LYSMD3: variants seen among roughly 807,000 people sequenced by gnomAD.
LYSMD3 encodes LysM domain containing 3.
LYSMD3 carries 13 observed loss-of-function variants against 26.1 expected under a neutral mutation model. The ratio of observed to expected loss-of-function variants is 0.50; its 90% CI spans 0.32 to 0.79. LYSMD3 has a LOEUF of 0.79. LYSMD3 is among the 30% of genes least tolerant of loss of function. LYSMD3 has a pLI of 0.03. For synonymous variants in LYSMD3, 109 were observed against 119.4 expected, an observed-to-expected ratio of 0.91 and a Z score of 0.57; for missense variants, 331 against 362.5, an observed-to-expected ratio of 0.91 and a Z score of 0.71.
Position 90,519,398 on chromosome 5 carries a change from G to C in LYSMD3, c.342C>G (p.Phe114Leu), listed in dbSNP as rs753965455. ...GACAAAGTGTTTCGGTCAAGGAACT[G>C]AACTTTTTTACTGGAATTTTGATAG... Reference protein sequence around the residue: ...LRSIKIPVKKFSSLTETLCPP... With the variant: ...LRSIKIPVKKLSSLTETLCPP... The change falls in exon 3 of 3, where the codon TTC becomes TTG. Residue 114 changes from phenylalanine to leucine, a missense_variant. Physicochemically the swap from Phe to Leu is conservative, Grantham distance 22. This residue lies in a region of LYSMD3 where 262 missense variants were observed against 267.3 expected (regional missense o/e 0.98). Transcript: ENST00000315948. 25 of 1,613,872 alleles carry C rather than the reference G, an allele frequency of 1.5e-5. No homozygotes were observed. Among genetic ancestry groups the C allele is most frequent in the Non-Finnish European group, 2.0e-5 (24 of 1,179,918 alleles).
Position 90,518,877 on chromosome 5 carries a change from T to A in LYSMD3, c.863A>T (p.Asp288Val). Reference sequence around the variant, plus strand: ...ATCTTGACTATACAGTTTATGATCATCTTGTTGGCTGAAATGTATTCCTTT... The same window carrying A: ...ATCTTGACTATACAGTTTATGATCAACTTGTTGGCTGAAATGTATTCCTTT... ...PTKGIHFSQQ[D>V]DHKLYSQDSQ... The change falls in exon 3 of 3, where the codon GAT becomes GTT. Residue 288 changes from aspartate (D) to valine (V), a missense_variant. Around this residue, in one of 3 missense-constraint regions of LYSMD3, gnomAD observed 61 missense variants for 66.8 expected, o/e 0.91. Transcript: ENST00000315948. 1 of 1,614,022 alleles carries A rather than the reference T, an allele frequency of 6.2e-7. No homozygotes were observed.
rs1367129624 is a variant in LYSMD3 at position 90,519,528 on chromosome 5, A to C, written c.256-44T>G. On this transcript the variant is annotated intron_variant, in intron 2 of 2. Coordinates refer to ENST00000315948, the MANE Select transcript of LYSMD3 (RefSeq NM_198273.2). ...AGCAACATACAACTGAATTCCAATCAAAATAAAGGCAGCAATAGTCATTCA... is the reference window on the plus strand; with the variant it reads ...AGCAACATACAACTGAATTCCAATCCAAATAAAGGCAGCAATAGTCATTCA... 4.6e-6 allele frequency: 7 copies of C among 1,527,868 alleles called. No individual in the cohort carries two copies. The East Asian group carries it at 1.6e-4, about 35-fold the overall frequency. 94.6% of individuals were successfully genotyped at this position (1,527,868 alleles called of 1,614,324 possible).
chr5:90,519,098 C>G lies in LYSMD3; in HGVS notation c.642G>C (p.Trp214Cys). The change falls in exon 3 of 3, where the codon TGG (tryptophan) becomes TGC (cysteine). Residue 214 changes from tryptophan to cysteine, a missense_variant. Trp to Cys is a radical substitution (Grantham distance 215). Transcript: ENST00000315948. ...CTACAGCTGTCCACCACCCTATTCC[C>G]CAGTCTGCTCCATAATAGGGGTCTT... ...QRKDPYYGAD[W>C]GIGWWTAVVI... 1 of 1,614,088 alleles carries G rather than the reference C, an allele frequency of 6.2e-7. No individual in the cohort carries two copies. Among genetic ancestry groups the G allele is most frequent in the Non-Finnish European group, 8.5e-7 (1 of 1,179,982 alleles).
intron 2 of LYSMD3, among the ~76,000 whole-genome samples, chr5:90,521,605 C>T (rs902480406): frequency 6.6e-6 from 1 of 152,010 alleles, no homozygotes; most frequent in South Asian, 2.1e-4. Flanking sequence ...TGAAGATTCA[C>T]TGAAAAATCC....
chr5:90,527,988 T>C (rs544031091), intron 1 of LYSMD3, among the ~76,000 whole-genome samples: 3 of 152,330 alleles, frequency 2.0e-5, no homozygotes, highest in African/African-American at 7.2e-5. Context: ...TGCTACATTA[T>C]TACCAAGAAC....
chr5:90,522,509 T>C lies in LYSMD3; in HGVS notation c.255+2526A>G, dbSNP rs150230807. ...TCCCCCAATACATTAACACTTCTTCTCTATCCTTATCACAAATATTTTAGT... is the reference window on the plus strand; with the variant it reads ...TCCCCCAATACATTAACACTTCTTCCCTATCCTTATCACAAATATTTTAGT... On this transcript the variant is annotated intron_variant, in intron 2 of 2. Coordinates refer to ENST00000315948, the MANE Select transcript of LYSMD3 (RefSeq NM_198273.2). Among the ~76,000 whole-genome samples the C allele has an allele frequency of 1.6e-3, 242 of 152,364 alleles. 1 individual carries two copies. The highest frequency in any genetic ancestry group is 5.7e-3 in the African/African-American group (239 of 41,580).
intron 1 of LYSMD3, chr5:90,526,934 AAAG>A (rs978211686): frequency 2.1e-4 from 32 of 152,228 alleles, no homozygotes; most frequent in African/African-American, 7.2e-4. Context: ...GAGTATAGAA[AAAG>A]AAGAGGGTCC....
intron 2 of LYSMD3, 147 bp from the exon 3 acceptor site, chr5:90,519,631 T>C: frequency 1.3e-6 from 1 of 775,622 alleles, no homozygotes; most frequent in Non-Finnish European, 2.0e-6. Context: ...TTTAATTTTA[T>C]TTGTAGATGA....
chr5:90,523,785 C>T (rs182807192), intron 2 of LYSMD3, among the ~76,000 whole-genome samples: 10 of 152,140 alleles, frequency 6.6e-5, no homozygotes, highest in African/African-American at 2.4e-4. Flanking sequence ...TTAGGAAGTT[C>T]ACTTAAAAAT....
Position 90,515,727 on chromosome 5 carries a change from T to G in LYSMD3, c.*3092A>C, listed in dbSNP as rs549540862. 6 of 152,310 alleles carry G rather than the reference T, an allele frequency of 3.9e-5. No individual in the cohort carries two copies. Among genetic ancestry groups the G allele is most frequent in the African/African-American group, 1.4e-4 (6 of 41,578 alleles). 9.4% of individuals were successfully genotyped at this position (152,310 alleles called of 1,614,324 possible). A position where few individuals can be genotyped will look rare whatever the true frequency, so the allele number is the denominator to read the frequency against. On this transcript the variant is annotated 3_prime_UTR_variant, in exon 3 of 3. Transcript: ENST00000315948. ...TAAAAACTGGTTTTACAGATACACATGCTAACAATGTTCTACAGTTACATT... is the reference window on the plus strand; with the variant it reads ...TAAAAACTGGTTTTACAGATACACAGGCTAACAATGTTCTACAGTTACATT...
In LYSMD3 at chr5:90,515,846, A is replaced by G. The variant is rs1752932087; in HGVS notation, c.*2973T>C. 1 of 152,204 alleles carries G rather than the reference A, an allele frequency of 6.6e-6. No homozygotes were observed. Among genetic ancestry groups the G allele is most frequent in the Non-Finnish European group, 1.5e-5 (1 of 68,004 alleles). The allele number at this position is 152,204 out of a possible 1,614,324, so 9.4% of individuals were successfully genotyped here. ...TCTATGATCTAACAGTGCAATATGCACATACGTGGAAGAAAATACTGATTA... is the reference window on the plus strand; with the variant it reads ...TCTATGATCTAACAGTGCAATATGCGCATACGTGGAAGAAAATACTGATTA... On this transcript the variant is annotated 3_prime_UTR_variant, in exon 3 of 3. Coordinates refer to ENST00000315948, the MANE Select transcript of LYSMD3 (RefSeq NM_198273.2).
At position 90,518,850 on chromosome 5, in the gene LYSMD3, GAATCT is replaced by G; in HGVS notation, c.885_889del (p.Gln295HisfsTer16). 1 of 1,613,522 alleles carries G rather than the reference GAATCT, an allele frequency of 6.2e-7. No individual in the cohort carries two copies. The highest frequency in any genetic ancestry group is 8.5e-7 in the Non-Finnish European group (1 of 1,179,720). On this transcript the variant is annotated frameshift_variant, in exon 3 of 3. Coordinates refer to ENST00000315948, the MANE Select transcript of LYSMD3 (RefSeq NM_198273.2). LOFTEE classifies it high-confidence loss of function. ...TTCCTGTTGAGCAGCAGGTGACTGA[GAATCT>G]TGACTATACAGTTTATGATCATCTT...
chr5:90,525,259 G>A lies in LYSMD3; in HGVS notation c.31C>T (p.Pro11Ser), dbSNP rs778330425. ...CCACTTGACTGAACTCCTGGAAGAG[G>A]AAAACTACGATTCTGATGCCTCCCT... is the stretch of plus-strand genomic sequence containing the variant. MAGRHQNRSFPLPGVQSSGQV... is the reference protein window; with the variant it reads MAGRHQNRSFSLPGVQSSGQV... Residue 11 changes from proline to serine, a missense_variant, in exon 2 of 3, where the codon CCT becomes TCT. Coordinates refer to ENST00000315948, the MANE Select transcript of LYSMD3 (RefSeq NM_198273.2). 32 of 1,610,082 alleles carry A rather than the reference G, an allele frequency of 2.0e-5. No individual in the cohort carries two copies. The highest frequency in any genetic ancestry group is 2.5e-5 in the Non-Finnish European group (30 of 1,178,652).
At chr5:90,525,387 C>G in intron 1 of LYSMD3, 87 bp from the exon 2 acceptor site, 1 of 1,281,754 alleles carries the variant, frequency 7.8e-7, no homozygotes, top group Non-Finnish European at 1.1e-6. Context: ...AGGACACAAT[C>G]TTTTGTTTTT....
intron 2 of LYSMD3, among the ~76,000 whole-genome samples, chr5:90,523,829 A>G (rs554722623): frequency 9.2e-5 from 14 of 152,288 alleles, no homozygotes; most frequent in African/African-American, 3.4e-4. Flanking sequence ...ATATTTCAAA[A>G]TTCTATTGGG....
At chr5:90,519,790 C>T (rs991780562) in intron 2 of LYSMD3, among the ~76,000 whole-genome samples, 2 of 151,876 alleles carry the variant, frequency 1.3e-5, no homozygotes, top group African/African-American at 4.8e-5. Context: ...TGCATAAATA[C>T]CACAGTCCTT....
In LYSMD3 at chr5:90,518,973, G is replaced by C; in HGVS notation, c.767C>G (p.Ser256Cys). The C allele has an allele frequency of 6.2e-7, 1 of 1,614,042 alleles. No individual in the cohort carries two copies. The highest frequency in any genetic ancestry group is 8.5e-7 in the Non-Finnish European group (1 of 1,179,972). The change falls in exon 3 of 3, where the codon TCT becomes TGT. Residue 256 changes from serine (S) to cysteine (C), a missense_variant. Around this residue, in one of 3 missense-constraint regions of LYSMD3, gnomAD observed 61 missense variants for 66.8 expected, o/e 0.91. Coordinates refer to ENST00000315948, the MANE Select transcript of LYSMD3 (RefSeq NM_198273.2). ...VDVSHHSTVD[S>C]SHLHSKITPP... ...TGTGATTTTTGAATGTAAATGTGAA[G>C]AGTCCACTGTTGAATGATGACTAAC... is the stretch of plus-strand genomic sequence containing the variant.
chr5:90,528,722 G>A (rs1348128281), intron 1 of LYSMD3, among the ~76,000 whole-genome samples: 1 of 152,150 alleles, frequency 6.6e-6, no homozygotes, highest in Non-Finnish European at 1.5e-5. Flanking sequence ...TCTTAGAGCA[G>A]GAAAAAGGCA....
chr5:90,521,514 C>T (rs1753088363), intron 2 of LYSMD3, among the ~76,000 whole-genome samples: 1 of 151,900 alleles, frequency 6.6e-6, no homozygotes, highest in Admixed American at 6.6e-5. Flanking sequence ...AAGGGTTGAA[C>T]AATAACTAAA....
Sources: gnomAD v4.1 joint callset for allele counts (sites outside exome capture counted in the v4.1 genomes callset) on GRCh38, gnomAD v4.1.1 for gene constraint, gnomAD v4.1.1 regional missense constraint, MANE v1.5 for transcripts, NCBI Gene and HGNC (gene_info 2026-07-23, HGNC 2026-07-21) for gene names.